The following WSCD1 variants were observed in gnomAD, a reference collection of about 807,000 sequenced individuals.
The protein encoded by WSCD1 is WSC domain sialate O sulfotransferase 1.
Under a neutral mutation model 60.4 loss-of-function variants are expected in WSCD1, and 41 were observed. That is an observed-to-expected ratio of 0.68 (90% CI 0.53 to 0.88). WSCD1 has a LOEUF of 0.88. Ranked by LOEUF, WSCD1 falls within the 40% of genes least tolerant of loss-of-function variation. The pLI, the probability that WSCD1 is intolerant of heterozygous loss-of-function variation, is 0.00. For synonymous variants in WSCD1, 361 were observed against 332.5 expected, an observed-to-expected ratio of 1.09 and a Z score of -0.93; for missense variants, 784 against 796.2, an observed-to-expected ratio of 0.98 and a Z score of 0.18.
At chr17:6,120,203 A>T (rs1451875165) in intron 8 of WSCD1, 106 bp from the exon 9 acceptor site, 5 of 1,196,708 alleles carry the variant, frequency 4.2e-6, no homozygotes, top group Non-Finnish European at 5.9e-6. Context: ...TAGGCAGTGG[A>T]CAGTGGAAAA....
intron 3 of WSCD1, among the ~76,000 whole-genome samples, chr17:6,088,931 C>T (rs956536989): frequency 1.3e-5 from 2 of 151,970 alleles, no homozygotes; most frequent in Admixed American, 1.3e-4. Context: ...TACAGGCGCC[C>T]ACCACCACGC....
intron 7 of WSCD1, among the ~76,000 whole-genome samples, chr17:6,111,991 A>G (rs1418459838): frequency 6.6e-6 from 1 of 152,232 alleles, no homozygotes; most frequent in Admixed American, 6.5e-5. Flanking sequence ...TTTTTAATGA[A>G]TGAAATTAAT....
chr17:6,079,432 C>T (rs375678776), intron 1 of WSCD1, among the ~76,000 whole-genome samples: 7 of 152,316 alleles, frequency 4.6e-5, no homozygotes, highest in South Asian at 2.1e-4. Context: ...TCAGAGGTGC[C>T]GCCAATGAGA....
rs572072504 is a variant in WSCD1 at position 6,075,142 on chromosome 17, G to C, written c.-289+4490G>C. On this transcript the variant is annotated intron_variant, in intron 1 of 8. Transcript: ENST00000317744. This position sits in a 1 kb window ranked among gnomAD's most constrained non-coding sequence, Gnocchi z 4.1. ...CAACGTTCTGGGCCCTATTCTTGTC[G>C]CTGGGGCTCCTGCCCTGCAAAGAGC... is the stretch of plus-strand genomic sequence containing the variant. 6.6e-6 allele frequency among the ~76,000 whole-genome samples: 1 copy of C among 152,132 alleles called. No individual in the cohort carries two copies. Among genetic ancestry groups the C allele is most frequent in the South Asian group, 2.1e-4 (1 of 4,836 alleles).
rs1226812570 is a variant in WSCD1, at chr17:6,080,846, G to A, written c.188G>A (p.Gly63Asp). The A allele has an allele frequency of 6.2e-7, 1 of 1,606,566 alleles. No individual in the cohort carries two copies. The highest frequency in any genetic ancestry group is 8.5e-7 in the Non-Finnish European group (1 of 1,178,374). ...TTGCCAGTGGCCGCCGTGGCGCTGG[G>A]CGTGGGCTTGCTGGACAGCAGAGCC... ...QTLPVAAVAL[G>D]VGLLDSRALH... The change falls in exon 2 of 9, where the codon GGC becomes GAC. Residue 63 changes from glycine (G) to aspartate (D), a missense_variant. Transcript: ENST00000317744. The surrounding 1 kb of genome is among the most constrained non-coding windows in gnomAD (Gnocchi z 6.6).
In WSCD1 at chr17:6,120,720, C is replaced by T. The variant is rs1904640505; in HGVS notation, c.*59C>T. ...GACGCAATCGCACCACGGGGCTGCG[C>T]TCCCCACTCTGATGCTCAGGCCCGT... is the stretch of plus-strand genomic sequence containing the variant. On this transcript the variant is annotated 3_prime_UTR_variant, in exon 9 of 9. Transcript: ENST00000317744. 2.0e-6 allele frequency: 3 copies of T among 1,526,536 alleles called. No individual in the cohort carries two copies. Among genetic ancestry groups the T allele is most frequent in the African/African-American group, 1.4e-5 (1 of 73,240 alleles). The allele number at this position is 1,526,536 out of a possible 1,614,324, so 94.6% of individuals were successfully genotyped here. A position where few individuals can be genotyped will look rare whatever the true frequency, so the allele number is the denominator to read the frequency against.
intron 6 of WSCD1, 106 bp downstream of exon 6, chr17:6,109,872 T>C (rs529026810): frequency 2.8e-5 from 40 of 1,450,656 alleles, no homozygotes; most frequent in African/African-American, 5.6e-5. Flanking sequence ...TTATGAGGTA[T>C]GGCATGTGTC....
At chr17:6,099,843 C>A (rs7405775) in intron 5 of WSCD1, among the ~76,000 whole-genome samples, 93,769 of 151,946 alleles carry the variant, frequency 0.62, 29,770 homozygotes, top group South Asian at 0.74. Context: ...CTCCCTCTGT[C>A]TCTGTACGGG....
chr17:6,117,868 T>G (rs1904387319), intron 7 of WSCD1, 120 bp from the exon 8 acceptor site: 1 of 995,464 alleles, frequency 1.0e-6, no homozygotes, highest in Admixed American at 2.2e-5. Flanking sequence ...GTGTCCTCTG[T>G]GTCTTCCATG....
At chr17:6,117,537 C>T (rs1904361830) in intron 7 of WSCD1, among the ~76,000 whole-genome samples, 1 of 152,234 alleles carries the variant, frequency 6.6e-6, no homozygotes, top group African/African-American at 2.4e-5. Context: ...TTTCACAGCA[C>T]TGTGTGATCT....
In WSCD1 at chr17:6,094,034, G is replaced by A. The variant is rs1225304746; in HGVS notation, c.728-1068G>A. On this transcript the variant is annotated intron_variant, in intron 4 of 8. Coordinates refer to ENST00000317744, the MANE Select transcript of WSCD1 (RefSeq NM_015253.2). Reference sequence around the variant, plus strand: ...GTAAAAGGGTTTCTGTTTGCACCACGTGGTGTGGCAGCTAGAGAGCCAGGG... The same window carrying A: ...GTAAAAGGGTTTCTGTTTGCACCACATGGTGTGGCAGCTAGAGAGCCAGGG... Among the ~76,000 whole-genome samples the A allele has an allele frequency of 4.6e-5, 7 of 152,220 alleles. No homozygotes were observed. In the East Asian group the frequency reaches 9.6e-4, roughly 21 times the overall value.
Position 6,120,562 on chromosome 17 carries a change from G to A in WSCD1, c.1629G>A (p.Pro543=), listed in dbSNP as rs148883242. 113 of 1,613,766 alleles carry A rather than the reference G, an allele frequency of 7.0e-5. No homozygotes were observed. The highest frequency in any genetic ancestry group is 5.2e-4 in the African/African-American group (39 of 75,066). Reference sequence around the variant, plus strand: ...CCCACGACCCTGAGCCCTTCACCCCGGAGATGAAAGACTTGATCAATGGCT... The same window carrying A: ...CCCACGACCCTGAGCCCTTCACCCCAGAGATGAAAGACTTGATCAATGGCT... ...RRSHDPEPFT[P]EMKDLINGYI... Residue 543 remains proline (P), a synonymous_variant, in exon 9 of 9, where the codon CCG becomes CCA. Coordinates refer to ENST00000317744, the MANE Select transcript of WSCD1 (RefSeq NM_015253.2).
At chr17:6,091,129 G>A (rs1349391415) in intron 4 of WSCD1, among the ~76,000 whole-genome samples, 1 of 152,144 alleles carries the variant, frequency 6.6e-6, no homozygotes, top group African/African-American at 2.4e-5. Flanking sequence ...ACTGACCTCA[G>A]GTGATCTGCC....
intron 7 of WSCD1, among the ~76,000 whole-genome samples, chr17:6,116,727 A>T (rs932280634): frequency 6.6e-6 from 1 of 152,216 alleles, no homozygotes; most frequent in African/African-American, 2.4e-5. Context: ...GGACTTCCAG[A>T]TTCAAAAGAG....
rs1908789287 is a variant in WSCD1 at position 6,075,446 on chromosome 17, TGAG to T, written c.-289+4795_-289+4797del. Reference sequence around the variant, plus strand: ...TCAGTCTCTGGACCCCTAGCCTGGCTGAGAAGTGGCCACCTGACCAGCCCAAGC... The same window carrying T: ...TCAGTCTCTGGACCCCTAGCCTGGCTAAGTGGCCACCTGACCAGCCCAAGC... On this transcript the variant is annotated intron_variant, in intron 1 of 8. Transcript: ENST00000317744. The surrounding 1 kb of genome is among the most constrained non-coding windows in gnomAD (Gnocchi z 4.1). Among the ~76,000 whole-genome samples the T allele has an allele frequency of 6.6e-6, 1 of 152,078 alleles. No individual in the cohort carries two copies. Among genetic ancestry groups the T allele is most frequent in the Non-Finnish European group, 1.5e-5 (1 of 68,006 alleles).
chr17:6,118,694 T>G lies in WSCD1; in HGVS notation c.1375+506T>G, dbSNP rs139497853. Among the ~76,000 whole-genome samples, 23 of 152,264 alleles carry G rather than the reference T, an allele frequency of 1.5e-4. No individual in the cohort carries two copies. In the East Asian group the frequency reaches 4.5e-3, roughly 29 times the overall value. ...TCTGGTCAGAGCTCAGCATGTTAATTCCCTCCTAAGCTGCCTCTTGCTGAC... is the reference window on the plus strand; with the variant it reads ...TCTGGTCAGAGCTCAGCATGTTAATGCCCTCCTAAGCTGCCTCTTGCTGAC... On this transcript the variant is annotated intron_variant, in intron 8 of 8. Coordinates refer to ENST00000317744, the MANE Select transcript of WSCD1 (RefSeq NM_015253.2). The surrounding 1 kb of genome is among the most constrained non-coding windows in gnomAD (Gnocchi z 5.8).
At chr17:6,112,299 G>A (rs1176681650) in intron 7 of WSCD1, among the ~76,000 whole-genome samples, 2 of 151,920 alleles carry the variant, frequency 1.3e-5, no homozygotes, top group South Asian at 2.1e-4. Flanking sequence ...TAGAGGGAAC[G>A]TACCTCACCA....
chr17:6,093,474 C>T (rs1910189230), intron 4 of WSCD1, among the ~76,000 whole-genome samples: 1 of 152,170 alleles, frequency 6.6e-6, no homozygotes, highest in African/African-American at 2.4e-5. Context: ...TTGCTGAAAT[C>T]TTGATCCCTC....
chr17:6,072,973 A>G (rs559850400), intron 1 of WSCD1, among the ~76,000 whole-genome samples: 1 of 152,344 alleles, frequency 6.6e-6, no homozygotes, highest in South Asian at 2.1e-4. Flanking sequence ...GTAGCTGTTA[A>G]GGCCCCTCCC....
Sources: gnomAD v4.1 joint callset for allele counts (sites outside exome capture counted in the v4.1 genomes callset) on GRCh38, gnomAD v4.1.1 for gene constraint, Gnocchi (gnomAD v3.1) non-coding constraint, MANE v1.5 for transcripts, NCBI Gene and HGNC (gene_info 2026-07-23, HGNC 2026-07-21) for gene names.